Variants in LRP1 observed in about 807,000 individuals in gnomAD.
LRP1 encodes LDL receptor related protein 1, also known as prolow-density lipoprotein receptor-related protein 1.
LRP1 carries 51 observed loss-of-function variants against 541.5 expected under a neutral mutation model. That is an observed-to-expected ratio of 0.09 (90% confidence interval 0.08 to 0.12). The LOEUF (loss-of-function observed/expected upper bound fraction) is 0.12. Ranked by LOEUF, LRP1 falls within the 10% of genes least tolerant of loss-of-function variation. LRP1 has a pLI of 1.00. For missense variants in LRP1, 3,878 were observed against 6,376.2 expected (o/e 0.61, Z 13.34); for synonymous variants, 2,219 against 2,470.8 (o/e 0.90, Z 3.02).
At position 57,177,640 on chromosome 12, in the gene LRP1, C is replaced by T. The variant is rs374129868; in HGVS notation, c.4361+49C>T. ...AAGGCCCAAGTCTGTGGCACCAGGACGGGGTGGGGAGGAACCTGTGGTGAT... is the reference window on the plus strand; with the variant it reads ...AAGGCCCAAGTCTGTGGCACCAGGATGGGGTGGGGAGGAACCTGTGGTGAT... On this transcript the variant is annotated intron_variant, in intron 26 of 88. Transcript: ENST00000243077. The surrounding 1 kb of genome is among the most constrained non-coding windows in gnomAD (Gnocchi z 6.8). 196 of 1,599,846 alleles carry T rather than the reference C, an allele frequency of 1.2e-4. No individual in the cohort carries two copies. In the African/African-American group the frequency reaches 1.8e-3, roughly 15 times the overall value.
At chr12:57,199,111 C>T (rs1488473968) in intron 60 of LRP1, 101 bp from the exon 61 acceptor site, 2 of 1,088,798 alleles carry the variant, frequency 1.8e-6, no homozygotes, top group Non-Finnish European at 2.7e-6. Context: ...GGGCTGACAC[C>T]CACCTCTCAG....
At chr12:57,208,308 C>T in intron 77 of LRP1, 92 bp downstream of exon 77, 3 of 1,359,176 alleles carry the variant, frequency 2.2e-6, no homozygotes, top group Non-Finnish European at 2.0e-6. Flanking sequence ...GTGCCCTTCC[C>T]TCCCAGGCCA....
Position 57,204,348 on chromosome 12 carries a change from TGGAGACAG to T in LRP1, c.10952-59_10952-52del, listed in dbSNP as rs371341207. ...CCTCTGAGCCTGGAACCCCCACCTGTGGAGACAGGGGTCTGGGTGGGCTCATGGCTCAT... is the reference window on the plus strand; with the variant it reads ...CCTCTGAGCCTGGAACCCCCACCTGTGGGTCTGGGTGGGCTCATGGCTCAT... On this transcript the variant is annotated intron_variant, in intron 70 of 88. Coordinates refer to ENST00000243077, the MANE Select transcript of LRP1 (RefSeq NM_002332.3). The surrounding 1 kb of genome is among the most constrained non-coding windows in gnomAD (Gnocchi z 5.3). 1.1e-3 allele frequency: 1,571 copies of T among 1,464,174 alleles called. 32 individuals are homozygous for T. In the East Asian group the frequency reaches 0.029, roughly 27 times the overall value. The allele number at this position is 1,464,174 out of a possible 1,614,324, so 90.7% of individuals were successfully genotyped here. A position where few individuals can be genotyped will look rare whatever the true frequency, so the allele number is the denominator to read the frequency against.
rs1592651165 is a variant in LRP1, at chr12:57,195,255, C to G, written c.8309-16C>G. ...CCCGCTCCTAAGTCTCTCAGTGGCC[C>G]TCTCTCCCCCTACAGAAGGCAAGAC... is the stretch of plus-strand genomic sequence containing the variant. On this transcript the variant is annotated splice_polypyrimidine_tract_variant and intron_variant, in intron 51 of 88. Coordinates refer to ENST00000243077, the MANE Select transcript of LRP1 (RefSeq NM_002332.3). 1.2e-6 allele frequency: 2 copies of G among 1,611,676 alleles called. No individual in the cohort carries two copies. The highest frequency in any genetic ancestry group is 2.2e-5 in the East Asian group (1 of 44,800).
intron 68 of LRP1, chr12:57,202,845 C>T (rs772492553): frequency 1.6e-4 from 89 of 572,336 alleles, no homozygotes; most frequent in Non-Finnish European, 2.5e-4. Context: ...TGTGCCTCTA[C>T]CCATCATCCT....
At chr12:57,167,710 AG>A (rs1347325926) in intron 19 of LRP1, among the ~76,000 whole-genome samples, 186 bp downstream of exon 19, 1 of 152,196 alleles carries the variant, frequency 6.6e-6, no homozygotes, top group Non-Finnish European at 1.5e-5. Flanking sequence ...CGATGGACCA[AG>A]GGGAGACCAT....
In LRP1 at chr12:57,177,739, C is replaced by T. The variant is rs533949459; in HGVS notation, c.4361+148C>T. ...AGGACTGGGCACAGGAGGAGGAGGACGGAGGGGCGTGGGGAGGCCAGGGCC... is the reference window on the plus strand; with the variant it reads ...AGGACTGGGCACAGGAGGAGGAGGATGGAGGGGCGTGGGGAGGCCAGGGCC... On this transcript the variant is annotated intron_variant, in intron 26 of 88. Transcript: ENST00000243077. This position sits in a 1 kb window ranked among gnomAD's most constrained non-coding sequence, Gnocchi z 6.8. 16 of 863,744 alleles carry T rather than the reference C, an allele frequency of 1.9e-5. No homozygotes were observed. The highest frequency in any genetic ancestry group is 2.6e-4 in the Middle Eastern group (1 of 3,806). The allele number at this position is 863,744 out of a possible 1,614,324, so 53.5% of individuals were successfully genotyped here.
chr12:57,129,440 T>TGG lies in LRP1; in HGVS notation c.67+416_67+417dup, dbSNP rs368314678. 6.2e-3 allele frequency among the ~76,000 whole-genome samples: 914 copies of TGG among 148,264 alleles called. 13 individuals are homozygous for TGG. The highest frequency in any genetic ancestry group is 0.022 in the African/African-American group (873 of 39,970). ...GTTCGGCTGCAAAAGGGGGTGGGGGTGGGGGGGGTGGCTTTTGCACTGGCC... is the reference window on the plus strand; with the variant it reads ...GTTCGGCTGCAAAAGGGGGTGGGGGTGGGGGGGGGGTGGCTTTTGCACTGGCC... On this transcript the variant is annotated intron_variant, in intron 1 of 88. Transcript: ENST00000243077.
In LRP1 at chr12:57,194,438, C is replaced by A; in HGVS notation, c.8003C>A (p.Ala2668Glu). 3 of 1,551,436 alleles carry A rather than the reference C, an allele frequency of 1.9e-6. No homozygotes were observed. Among genetic ancestry groups the A allele is most frequent in the Non-Finnish European group, 2.6e-6 (3 of 1,148,148 alleles). Reference protein sequence around the residue: ...QPCERTSLCYAPSWVCDGAND... With the variant: ...QPCERTSLCYEPSWVCDGAND... Reference sequence around the variant, plus strand: ...TGCGAGCGGACCTCACTCTGCTACGCACCCAGCTGGGTGTGTGATGGCGCC... The same window carrying A: ...TGCGAGCGGACCTCACTCTGCTACGAACCCAGCTGGGTGTGTGATGGCGCC... Residue 2668 changes from alanine to glutamate, a missense_variant, in exon 49 of 89, where the codon GCA (alanine) becomes GAA (glutamate). Around this residue, in one of 13 missense-constraint regions of LRP1, gnomAD observed 1,100 missense variants for 1,827.4 expected, o/e 0.60. Transcript: ENST00000243077.
rs572368525 is a variant in LRP1 at position 57,150,471 on chromosome 12, G to A, written c.842-3737G>A. 1.5e-4 allele frequency among the ~76,000 whole-genome samples: 23 copies of A among 152,248 alleles called. No homozygotes were observed. In the East Asian group the frequency reaches 3.9e-3, roughly 26 times the overall value. ...CTCCCAGAGTGCTGGGATTACAGGC[G>A]TGAGCCACTGAGCCTGGCCTTGAAA... On this transcript the variant is annotated intron_variant, in intron 6 of 88. Coordinates refer to ENST00000243077, the MANE Select transcript of LRP1 (RefSeq NM_002332.3).
Position 57,206,775 on chromosome 12 carries a change from G to A in LRP1, c.11859+34G>A, listed in dbSNP as rs751322329. On this transcript the variant is annotated intron_variant, in intron 76 of 88. Transcript: ENST00000243077. The surrounding 1 kb of genome is among the most constrained non-coding windows in gnomAD (Gnocchi z 4.7). ...CCAACCTGGCGTGGATGGAGTGGAA[G>A]AGCTCCATAGAGCAGGCGGTTCAGA... is the stretch of plus-strand genomic sequence containing the variant. The A allele has an allele frequency of 3.1e-6, 5 of 1,599,138 alleles. No individual in the cohort carries two copies. The highest frequency in any genetic ancestry group is 2.7e-5 in the African/African-American group (2 of 74,956).
At chr12:57,144,224 G>C (rs1011019892) in intron 4 of LRP1, among the ~76,000 whole-genome samples, 7 of 151,948 alleles carry the variant, frequency 4.6e-5, no homozygotes, top group Admixed American at 1.3e-4. Context: ...AGAGTACTGC[G>C]TGCTCTTTTT....
Position 57,199,303 on chromosome 12 carries a change from A to T in LRP1, c.9768A>T (p.Arg3256=). 1 of 1,613,846 alleles carries T rather than the reference A, an allele frequency of 6.2e-7. No individual in the cohort carries two copies. The highest frequency in any genetic ancestry group is 8.5e-7 in the Non-Finnish European group (1 of 1,179,974). The change falls in exon 61 of 89, where the codon CGA becomes CGT. Residue 3256 remains arginine, a synonymous_variant. Transcript: ENST00000243077. ...ACTGGGAAACAAAGTCCATTAACCG[A>T]GCCCACAAGACCACGGGCACCAACA... is the stretch of plus-strand genomic sequence containing the variant. ...WTDWETKSIN[R]AHKTTGTNKT... is the part of the protein sequence containing the mutation.
At position 57,159,943 on chromosome 12, in the gene LRP1, C is replaced by A. The variant is rs1361776326; in HGVS notation, c.1917C>A (p.Arg639=). The change falls in exon 12 of 89, where the codon CGC becomes CGA. Residue 639 remains arginine (R), a synonymous_variant. Transcript: ENST00000243077. ...GGCTGGAGAAAGCTGCTCAGACCCG[C>A]AAGACTTTAATCGAGGGCAAAATGA... The part of the protein sequence containing the change: ...VARLEKAAQT[R]KTLIEGKMTH... The A allele has an allele frequency of 1.9e-6, 3 of 1,614,034 alleles. No homozygotes were observed. The highest frequency in any genetic ancestry group is 1.7e-6 in the Non-Finnish European group (2 of 1,180,042).
rs2036253353 is a variant in LRP1 at position 57,185,587 on chromosome 12, G to A, written c.6520G>A (p.Gly2174Ser). Reference protein sequence around the residue: ...GGCQQLCLYRGRGQRACACAH... With the variant: ...GGCQQLCLYRSRGQRACACAH... Reference sequence around the variant, plus strand: ...GTGCCAGCAGCTGTGCCTGTACCGGGGCCGTGGGCAGCGGGCCTGCGCCTG... The same window carrying A: ...GTGCCAGCAGCTGTGCCTGTACCGGAGCCGTGGGCAGCGGGCCTGCGCCTG... The change falls in exon 41 of 89, where the codon GGC (glycine) becomes AGC (serine). Residue 2174 changes from glycine to serine, a missense_variant. Physicochemically the swap from Gly to Ser is moderately conservative, Grantham distance 56. Around this residue, in one of 13 missense-constraint regions of LRP1, gnomAD observed 1,100 missense variants for 1,827.4 expected, o/e 0.60. Transcript: ENST00000243077. This position sits in a 1 kb window ranked among gnomAD's most constrained non-coding sequence, Gnocchi z 4.9. 6.2e-7 allele frequency: 1 copy of A among 1,605,558 alleles called. No homozygotes were observed. Among genetic ancestry groups the A allele is most frequent in the East Asian group, 2.2e-5 (1 of 44,738 alleles).
At position 57,206,142 on chromosome 12, in the gene LRP1, C is replaced by G. The variant is rs989827276; in HGVS notation, c.11591-331C>G. Among the ~76,000 whole-genome samples the G allele has an allele frequency of 3.3e-5, 5 of 152,228 alleles. No individual in the cohort carries two copies. Among genetic ancestry groups the G allele is most frequent in the Non-Finnish European group, 7.3e-5 (5 of 68,034 alleles). On this transcript the variant is annotated intron_variant, in intron 75 of 88. Transcript: ENST00000243077. This position sits in a 1 kb window ranked among gnomAD's most constrained non-coding sequence, Gnocchi z 4.7. The stretch of plus-strand genomic sequence containing the variant: ...CACACACCCCATGTGCCTATGCACC[C>G]CCGAGCATGTGCCAGGCAGTTTGTA...
chr12:57,194,963 C>T (rs1565746666), intron 50 of LRP1, 22 bp from the exon 51 acceptor site: 1 of 1,594,496 alleles, frequency 6.3e-7, no homozygotes, highest in Non-Finnish European at 8.6e-7. Context: ...CCCCATCTAA[C>T]TGTGGCTTCT....
Position 57,167,023 on chromosome 12 carries a change from G to T in LRP1, c.2891G>T (p.Arg964Leu), listed in dbSNP as rs756855015. ...GATCTGGATGACGACTGTGGGGACCGCTCTGATGAGTCTGCTTCGTGTGGT... is the reference window on the plus strand; with the variant it reads ...GATCTGGATGACGACTGTGGGGACCTCTCTGATGAGTCTGCTTCGTGTGGT... The part of the protein sequence containing the change: ...TCDLDDDCGD[R>L]SDESASCAYP... The change falls in exon 18 of 89, where the codon CGC becomes CTC. Residue 964 changes from arginine to leucine, a missense_variant. Transcript: ENST00000243077. 7 of 1,613,966 alleles carry T rather than the reference G, an allele frequency of 4.3e-6. No homozygotes were observed. The highest frequency in any genetic ancestry group is 5.9e-6 in the Non-Finnish European group (7 of 1,179,880).
In LRP1 at chr12:57,206,678, T is replaced by C. The variant is rs758050035; in HGVS notation, c.11796T>C (p.Ala3932=). 6.8e-6 allele frequency: 11 copies of C among 1,613,600 alleles called. No individual in the cohort carries two copies. The African/African-American group carries it at 1.5e-4, about 22-fold the overall frequency. The change falls in exon 76 of 89, where the codon GCT becomes GCC. Residue 3932 remains alanine, a synonymous_variant. Coordinates refer to ENST00000243077, the MANE Select transcript of LRP1 (RefSeq NM_002332.3). The surrounding 1 kb of genome is among the most constrained non-coding windows in gnomAD (Gnocchi z 4.7). ...GTISYRSLPP[A]APPTTSNRHR... ...TCTCCTACCGCAGCCTGCCACCTGCTGCGCCTCCTACCACTTCCAACCGCC... is the reference window on the plus strand; with the variant it reads ...TCTCCTACCGCAGCCTGCCACCTGCCGCGCCTCCTACCACTTCCAACCGCC...
Sources: allele counts gnomAD v4.1 joint callset (sites outside exome capture counted in the v4.1 genomes callset), GRCh38; gene constraint gnomAD v4.1.1; regional missense constraint gnomAD v4.1.1; non-coding constraint Gnocchi (gnomAD v3.1); transcripts MANE v1.5; gene names NCBI Gene and HGNC (gene_info 2026-07-23, HGNC 2026-07-21).